The following EXOC6B variants were observed in gnomAD, a reference collection of about 807,000 sequenced individuals.
The protein encoded by EXOC6B is exocyst complex component 6B.
A neutral mutation model predicts 113.5 loss-of-function variants in EXOC6B; 54 were observed. That is an observed-to-expected ratio of 0.48 (90% confidence interval 0.38 to 0.60). The LOEUF (loss-of-function observed/expected upper bound fraction) is 0.60. Among genes scored for constraint, EXOC6B ranks in the 20% least tolerant of loss-of-function variants. The pLI, the probability that EXOC6B is intolerant of heterozygous loss-of-function variation, is 0.00. For missense variants in EXOC6B, 797 were observed against 977.5 expected, an observed-to-expected ratio of 0.82 and a Z score of 2.46; for synonymous variants, 357 against 339.0, an observed-to-expected ratio of 1.05 and a Z score of -0.58.
chr2:72,400,809 G>C (rs1410099816), intron 18 of EXOC6B, among the ~76,000 whole-genome samples: 1 of 151,946 alleles, frequency 6.6e-6, no homozygotes, highest in Non-Finnish European at 1.5e-5. Flanking sequence ...TGGTGACAAT[G>C]TGGAGAAAAG....
intron 18 of EXOC6B, among the ~76,000 whole-genome samples, chr2:72,449,061 T>C (rs1696756838): frequency 6.6e-6 from 1 of 152,228 alleles, no homozygotes; most frequent in South Asian, 2.1e-4. Flanking sequence ...AAAATATACC[T>C]CAGCTCATAT....
intron 19 of EXOC6B, among the ~76,000 whole-genome samples, chr2:72,376,442 G>A (rs1184084204): frequency 6.6e-6 from 1 of 152,070 alleles, no homozygotes; most frequent in Non-Finnish European, 1.5e-5. Flanking sequence ...TCTTATCACT[G>A]TTCTTCATTA....
chr2:72,366,622 C>A (rs1212703728), intron 19 of EXOC6B, among the ~76,000 whole-genome samples: 3 of 151,872 alleles, frequency 2.0e-5, no homozygotes, highest in African/African-American at 7.3e-5. Flanking sequence ...CATAAAGAAT[C>A]CCACAGAAAA....
At chr2:72,328,572 T>C (rs1688265728) in intron 20 of EXOC6B, among the ~76,000 whole-genome samples, 1 of 152,114 alleles carries the variant, frequency 6.6e-6, no homozygotes, top group African/African-American at 2.4e-5. Flanking sequence ...CTAGGCACAG[T>C]GTTGAATAAA....
intron 9 of EXOC6B, 85 bp downstream of exon 9, chr2:72,514,958 C>T: frequency 2.7e-6 from 1 of 365,956 alleles, no homozygotes; most frequent in Non-Finnish European, 4.1e-6. Context: ...CACACAGACA[C>T]ACACACACAC....
At chr2:72,773,213 A>C (rs973697094) in intron 1 of EXOC6B, among the ~76,000 whole-genome samples, 9 of 146,774 alleles carry the variant, frequency 6.1e-5, no homozygotes, top group Non-Finnish European at 1.2e-4. Context: ...TGCAGCCTCA[A>C]CCTCCCAGGC....
intron 6 of EXOC6B, among the ~76,000 whole-genome samples, chr2:72,613,271 T>C (rs796979368): frequency 2.0e-5 from 3 of 152,230 alleles, no homozygotes; most frequent in Admixed American, 6.5e-5. Flanking sequence ...TTGTAAACTA[T>C]CTTAACAAAA....
At chr2:72,464,357 A>G (rs1697902390) in intron 18 of EXOC6B, 1 of 152,224 alleles carries the variant, frequency 6.6e-6, no homozygotes, top group Non-Finnish European at 1.5e-5. Context: ...AGACAATGAC[A>G]TATCAGGCAG....
intron 18 of EXOC6B, among the ~76,000 whole-genome samples, chr2:72,401,961 T>A (rs1001105818): frequency 1.3e-5 from 2 of 151,670 alleles, no homozygotes; most frequent in East Asian, 3.9e-4. Flanking sequence ...ACATAAGATT[T>A]TTTTTAAAAT....
At chr2:72,727,865 T>C (rs1680400243) in intron 5 of EXOC6B, among the ~76,000 whole-genome samples, 1 of 151,892 alleles carries the variant, frequency 6.6e-6, no homozygotes, top group African/African-American at 2.4e-5. Context: ...AGACAATATA[T>C]AACAGGAAAA....
chr2:72,346,220 T>G (rs974539551), intron 19 of EXOC6B, among the ~76,000 whole-genome samples: 1 of 152,312 alleles, frequency 6.6e-6, no homozygotes, highest in Non-Finnish European at 1.5e-5. Flanking sequence ...CAGATAGACA[T>G]GGCTTTTTAA....
chr2:72,740,397 T>G (rs1365824715), intron 2 of EXOC6B, among the ~76,000 whole-genome samples: 1 of 152,196 alleles, frequency 6.6e-6, no homozygotes, highest in East Asian at 1.9e-4. Flanking sequence ...CATAGAAAAC[T>G]CAAATTACAT....
At chr2:72,556,001 A>C (rs1247950721) in intron 8 of EXOC6B, among the ~76,000 whole-genome samples, 5 of 152,174 alleles carry the variant, frequency 3.3e-5, no homozygotes. Context: ...TTCCTTGAAG[A>C]ACTATAGCAG....
At chr2:72,508,907 C>A (rs1036839411) in intron 11 of EXOC6B, among the ~76,000 whole-genome samples, 3 of 151,904 alleles carry the variant, frequency 2.0e-5, no homozygotes, top group Non-Finnish European at 4.4e-5. Flanking sequence ...TAGAAATAAA[C>A]CTGAGTGTAT....
At chr2:72,655,530 C>T (rs546629632) in intron 6 of EXOC6B, among the ~76,000 whole-genome samples, 3 of 151,950 alleles carry the variant, frequency 2.0e-5, no homozygotes, top group Admixed American at 6.5e-5. Flanking sequence ...TTCAGATTTA[C>T]GGTGGTTCCA....
intron 6 of EXOC6B, among the ~76,000 whole-genome samples, chr2:72,672,427 G>T (rs1332911917): frequency 1.3e-5 from 2 of 151,366 alleles, no homozygotes; most frequent in African/African-American, 4.9e-5. Flanking sequence ...TCAGGACATC[G>T]AGACCATCCT....
At chr2:72,802,756 G>C (rs1441716650) in intron 1 of EXOC6B, among the ~76,000 whole-genome samples, 1 of 152,136 alleles carries the variant, frequency 6.6e-6, no homozygotes, top group Non-Finnish European at 1.5e-5. Context: ...ATGCTATGAA[G>C]TATAGATACA....
chr2:72,347,907 A>G (rs1689426876), intron 19 of EXOC6B, among the ~76,000 whole-genome samples: 2 of 152,206 alleles, frequency 1.3e-5, no homozygotes, highest in South Asian at 4.1e-4. Flanking sequence ...CAAAACCCAT[A>G]GCAATATGAA....
chr2:72,325,065 GA>G (rs1480555799), intron 20 of EXOC6B, among the ~76,000 whole-genome samples: 1 of 152,070 alleles, frequency 6.6e-6, no homozygotes, highest in Admixed American at 6.5e-5. Flanking sequence ...CATGAAAAGG[GA>G]ATATCAAAAG....
Sources: allele counts gnomAD v4.1 joint callset (sites outside exome capture counted in the v4.1 genomes callset), GRCh38; gene constraint gnomAD v4.1.1; transcripts MANE v1.5; gene names NCBI Gene and HGNC (gene_info 2026-07-23, HGNC 2026-07-21).